Variants in USP6NL observed in about 807,000 individuals in gnomAD.
The protein encoded by USP6NL is USP6 N-terminal-like protein.
A neutral mutation model predicts 61.9 loss-of-function variants in USP6NL; 26 were observed. The ratio of observed to expected loss-of-function variants is 0.42; its 90% CI spans 0.31 to 0.58. The LOEUF is 0.58. Among genes scored for constraint, USP6NL ranks in the 20% least tolerant of loss-of-function variants. USP6NL has a pLI of 0.16. For missense variants in USP6NL, 1,114 were observed against 1,034.3 expected (o/e 1.08, Z -1.06); for synonymous variants, 432 against 390.1 (o/e 1.11, Z -1.27).
Position 11,587,946 on chromosome 10 carries a change from G to A in USP6NL, c.4+9685C>T, listed in dbSNP as rs1838031760. On this transcript the variant is annotated intron_variant, in intron 2 of 14. Transcript: ENST00000609104. The surrounding 1 kb of genome is among the most constrained non-coding windows in gnomAD (Gnocchi z 4.5). ...ATCCTATTTCAATTCAAGTAGAAAT[G>A]GGGAATTTTCTACTAAACAGCTAAA... 6.6e-6 allele frequency among the ~76,000 whole-genome samples: 1 copy of A among 152,182 alleles called. No individual in the cohort carries two copies. The highest frequency in any genetic ancestry group is 1.5e-5 in the Non-Finnish European group (1 of 68,030).
chr10:11,562,239 C>T lies in USP6NL; in HGVS notation c.5-34672G>A, dbSNP rs1484860428. ...ATCGCACCACTGCACGCCAGCCTGG[C>T]GGACAGTGCAAGACTCCATCTCAAA... On this transcript the variant is annotated intron_variant, in intron 2 of 14. Coordinates refer to ENST00000609104, the MANE Select transcript of USP6NL (RefSeq NM_014688.5). This position sits in a 1 kb window ranked among gnomAD's most constrained non-coding sequence, Gnocchi z 4.8. 6.9e-6 allele frequency among the ~76,000 whole-genome samples: 1 copy of T among 145,668 alleles called. No individual in the cohort carries two copies. Among genetic ancestry groups the T allele is most frequent in the East Asian group, 2.0e-4 (1 of 4,962 alleles).
Position 11,481,011 on chromosome 10 carries a change from C to T in USP6NL, c.1078+759G>A, listed in dbSNP as rs1833174183. Among the ~76,000 whole-genome samples, 1 of 152,130 alleles carries T rather than the reference C, an allele frequency of 6.6e-6. No homozygotes were observed. The highest frequency in any genetic ancestry group is 1.5e-5 in the Non-Finnish European group (1 of 68,014). On this transcript the variant is annotated intron_variant, in intron 14 of 14. Transcript: ENST00000609104. The surrounding 1 kb of genome is among the most constrained non-coding windows in gnomAD (Gnocchi z 4.4). ...TTTCATTTTCTTCCCTCCCTTCCTGCACTCCCCTTCTTCTGCTCCTCTCCC... is the reference window on the plus strand; with the variant it reads ...TTTCATTTTCTTCCCTCCCTTCCTGTACTCCCCTTCTTCTGCTCCTCTCCC...
intron 1 of USP6NL, among the ~76,000 whole-genome samples, chr10:11,607,727 T>C (rs1363843244): frequency 2.0e-5 from 3 of 152,060 alleles, no homozygotes; most frequent in Non-Finnish European, 1.5e-5. Context: ...TTGCCATCAC[T>C]GATCTACATA....
intron 2 of USP6NL, among the ~76,000 whole-genome samples, chr10:11,559,310 T>C (rs1162084213): frequency 6.6e-6 from 1 of 152,190 alleles, no homozygotes; most frequent in East Asian, 1.9e-4. Flanking sequence ...TGAAGTTATA[T>C]AAACAGAAAA....
At chr10:11,606,254 AAT>A (rs1417516592) in intron 1 of USP6NL, among the ~76,000 whole-genome samples, 8 of 152,328 alleles carry the variant, frequency 5.3e-5, no homozygotes, top group African/African-American at 1.4e-4. Context: ...CATCCAGCAA[AAT>A]ATATCTTTCC....
At chr10:11,599,297 C>A (rs939333344) in intron 1 of USP6NL, among the ~76,000 whole-genome samples, 2 of 152,136 alleles carry the variant, frequency 1.3e-5, no homozygotes, top group African/African-American at 4.8e-5. Context: ...AGAGTCTAGT[C>A]GCTTTGACCA....
intron 6 of USP6NL, among the ~76,000 whole-genome samples, chr10:11,501,907 C>CA (rs1389492056): frequency 6.6e-6 from 1 of 152,124 alleles, no homozygotes; most frequent in Non-Finnish European, 1.5e-5. Flanking sequence ...AAGACAAAAA[C>CA]AACGATAAAT....
At chr10:11,519,946 C>T (rs915414683) in intron 4 of USP6NL, among the ~76,000 whole-genome samples, 2 of 152,240 alleles carry the variant, frequency 1.3e-5, no homozygotes, top group African/African-American at 2.4e-5. Context: ...CATGATAGAG[C>T]GGTATTCACC....
Position 11,597,707 on chromosome 10 carries a change from G to A in USP6NL, c.-73C>T. On this transcript the variant is annotated 5_prime_UTR_variant, in exon 2 of 15. Coordinates refer to ENST00000609104, the MANE Select transcript of USP6NL (RefSeq NM_014688.5). This position sits in a 1 kb window ranked among gnomAD's most constrained non-coding sequence, Gnocchi z 4.6. ...ATCTGCTGTCCAAGGTTTCTCAGAG[G>A]AATACATGTCCTAGTCAGGAAACAA... 6.8e-6 allele frequency: 8 copies of A among 1,184,766 alleles called. No individual in the cohort carries two copies. The South Asian group carries it at 1.0e-4, about 16-fold the overall frequency. The allele number at this position is 1,184,766 out of a possible 1,614,324, so 73.4% of individuals were successfully genotyped here.
Position 11,602,533 on chromosome 10 carries a change from C to T in USP6NL, c.-83-4816G>A, listed in dbSNP as rs180925782. Among the ~76,000 whole-genome samples, 1 of 152,294 alleles carries T rather than the reference C, an allele frequency of 6.6e-6. No homozygotes were observed. The highest frequency in any genetic ancestry group is 2.4e-5 in the African/African-American group (1 of 41,552). ...AAGAACAAAGCCAAGTCTCTCGCAT[C>T]ATGGAATGTACAGCACAGTAATTTC... On this transcript the variant is annotated intron_variant, in intron 1 of 14. Coordinates refer to ENST00000609104, the MANE Select transcript of USP6NL (RefSeq NM_014688.5). The surrounding 1 kb of genome is among the most constrained non-coding windows in gnomAD (Gnocchi z 4.8).
At position 11,482,208 on chromosome 10, in the gene USP6NL, T is replaced by G. The variant is rs1156528265; in HGVS notation, c.926-286A>C. Among the ~76,000 whole-genome samples the G allele has an allele frequency of 6.6e-6, 1 of 152,156 alleles. No homozygotes were observed. Among genetic ancestry groups the G allele is most frequent in the African/African-American group, 2.4e-5 (1 of 41,428 alleles). ...AATAACCACACCTAGGCATTAGTAT[T>G]ACCCCAGAGCAAGAGCTTCTTAGAG... is the stretch of plus-strand genomic sequence containing the variant. On this transcript the variant is annotated intron_variant, in intron 13 of 14. Transcript: ENST00000609104. This position sits in a 1 kb window ranked among gnomAD's most constrained non-coding sequence, Gnocchi z 4.0.
At chr10:11,519,025 G>A (rs925455941) in intron 4 of USP6NL, among the ~76,000 whole-genome samples, 5 of 152,258 alleles carry the variant, frequency 3.3e-5, no homozygotes, top group African/African-American at 9.6e-5. Flanking sequence ...ATATTTAAAC[G>A]GTAAGTATTT....
At position 11,555,473 on chromosome 10, in the gene USP6NL, G is replaced by GAA. The variant is rs1218269055; in HGVS notation, c.5-27907_5-27906insTT. Among the ~76,000 whole-genome samples the GAA allele has an allele frequency of 1.2e-3, 137 of 117,248 alleles. 1 individual carries two copies. The highest frequency in any genetic ancestry group is 1.8e-3 in the Non-Finnish European group (108 of 58,472). The allele number at this position is 117,248 out of a possible 152,430, so 76.9% of individuals were successfully genotyped here. A position where few individuals can be genotyped will look rare whatever the true frequency, so the allele number is the denominator to read the frequency against. ...ATATAGAGAGAGAGAGAGAGAGAAA[G>GAA]AGAGAGAGAGAGAGAGAGAGAAGAG... is the stretch of plus-strand genomic sequence containing the variant. On this transcript the variant is annotated intron_variant, in intron 2 of 14. Transcript: ENST00000609104.
chr10:11,473,687 G>C (rs375943457), intron 14 of USP6NL, among the ~76,000 whole-genome samples: 13 of 152,206 alleles, frequency 8.5e-5, no homozygotes, highest in African/African-American at 2.9e-4. Context: ...GTCTGACCTC[G>C]GGCAGGTACT....
chr10:11,559,645 A>C (rs1836848840), intron 2 of USP6NL, among the ~76,000 whole-genome samples: 1 of 152,198 alleles, frequency 6.6e-6, no homozygotes. Flanking sequence ...GCCCAAACCT[A>C]CTTTGCTTTC....
At chr10:11,479,403 C>A (rs1001519418) in intron 14 of USP6NL, among the ~76,000 whole-genome samples, 2 of 152,142 alleles carry the variant, frequency 1.3e-5, no homozygotes, top group African/African-American at 4.8e-5. Context: ...CCAATCAGAA[C>A]AACAATGGAA....
At chr10:11,580,860 G>A (rs190870410) in intron 2 of USP6NL, among the ~76,000 whole-genome samples, 265 of 148,102 alleles carry the variant, frequency 1.8e-3, no homozygotes, top group Admixed American at 3.4e-3. Context: ...AATGACGAAC[G>A]GATAGATGAT....
intron 2 of USP6NL, among the ~76,000 whole-genome samples, chr10:11,577,949 G>A (rs1354376865): frequency 8.3e-6 from 1 of 120,452 alleles, no homozygotes; most frequent in Non-Finnish European, 2.0e-5. Context: ...TACAGGTGAT[G>A]TTATTATACA....
chr10:11,605,081 T>C (rs2133689539), intron 1 of USP6NL, among the ~76,000 whole-genome samples: 1 of 152,308 alleles, frequency 6.6e-6, no homozygotes, highest in South Asian at 2.1e-4. Context: ...GGAGGAAGGA[T>C]ATCAAACAGC....
Sources: gnomAD v4.1 joint callset for allele counts (sites outside exome capture counted in the v4.1 genomes callset) on GRCh38, gnomAD v4.1.1 for gene constraint, Gnocchi (gnomAD v3.1) non-coding constraint, MANE v1.5 for transcripts, NCBI Gene and HGNC (gene_info 2026-07-23, HGNC 2026-07-21) for gene names.